Variants in PUM2 observed in about 807,000 individuals in gnomAD.
The protein encoded by PUM2 is pumilio homolog 2.
In PUM2, 57 loss-of-function variants were observed where a neutral mutation model predicts 124.5. The observed-to-expected ratio is 0.46, with a 90% CI of 0.37 to 0.57. The LOEUF (loss-of-function observed/expected upper bound fraction) is 0.57. Among genes scored for constraint, PUM2 ranks in the 20% least tolerant of loss-of-function variants. PUM2 has a pLI of 0.00. For synonymous variants in PUM2, 460 were observed against 446.1 expected (o/e 1.03, Z -0.39); for missense variants, 1,065 against 1,290.6 (o/e 0.83, Z 2.68).
intron 7 of PUM2, among the ~76,000 whole-genome samples, chr2:20,302,967 C>A (rs1444157529): frequency 6.6e-6 from 1 of 152,152 alleles, no homozygotes; most frequent in Admixed American, 6.5e-5. Flanking sequence ...TTTGCACATG[C>A]GACCCATCAG....
intron 9 of PUM2, among the ~76,000 whole-genome samples, chr2:20,293,602 T>C (rs1253674346): frequency 6.6e-6 from 1 of 152,064 alleles, no homozygotes; most frequent in Non-Finnish European, 1.5e-5. Flanking sequence ...CCCAGCTACT[T>C]GGAAGACTGA....
intron 7 of PUM2, among the ~76,000 whole-genome samples, chr2:20,302,911 A>G (rs1677338990): frequency 6.6e-6 from 1 of 152,228 alleles, no homozygotes; most frequent in Admixed American, 6.5e-5. Context: ...GCTTGCTGAC[A>G]TCACAGCCCA....
At position 20,289,417 on chromosome 2, in the gene PUM2, C is replaced by A. The variant is rs77952030; in HGVS notation, c.1291+1235G>T. ...ACTCCCAGCTCACTTTTCAGCCCAA[C>A]GTCCATGTGCCTAAAACAACTTCAG... On this transcript the variant is annotated intron_variant, in intron 10 of 20. Coordinates refer to ENST00000361078, the MANE Select transcript of PUM2 (RefSeq NM_015317.5). Among the ~76,000 whole-genome samples the A allele has an allele frequency of 7.1e-3, 1,074 of 152,314 alleles. 17 individuals are homozygous for A. Among genetic ancestry groups the A allele is most frequent in the African/African-American group, 0.025 (1,035 of 41,568 alleles).
At chr2:20,270,338 G>A (rs1394043242) in intron 13 of PUM2, among the ~76,000 whole-genome samples, 1 of 152,054 alleles carries the variant, frequency 6.6e-6, no homozygotes, top group Non-Finnish European at 1.5e-5. Flanking sequence ...CTTTCTGATT[G>A]GAGTGAAGAA....
rs1663945843 is a variant in PUM2, at chr2:20,253,383, T to G, written c.3063+439A>C. On this transcript the variant is annotated intron_variant, in intron 20 of 20. Coordinates refer to ENST00000361078, the MANE Select transcript of PUM2 (RefSeq NM_015317.5). ...GTCATACCCAGCTAATTTTTAAATTTTTTGTAGAGATGGGGGTCTATGTTG... is the reference window on the plus strand; with the variant it reads ...GTCATACCCAGCTAATTTTTAAATTGTTTGTAGAGATGGGGGTCTATGTTG... Among the ~76,000 whole-genome samples, 4 of 152,124 alleles carry G rather than the reference T, an allele frequency of 2.6e-5. No individual in the cohort carries two copies. The South Asian group carries it at 8.3e-4, about 31-fold the overall frequency.
chr2:20,350,684 C>T lies in PUM2; in HGVS notation c.-106G>A. 8.1e-6 allele frequency: 8 copies of T among 984,878 alleles called. No homozygotes were observed. The highest frequency in any genetic ancestry group is 4.7e-5 in the South Asian group (1 of 21,270). The allele number at this position is 984,878 out of a possible 1,614,324, so 61.0% of individuals were successfully genotyped here. ...GCTCTTGGCGGTCCTCCCCCTCCTC[C>T]GCCTTCGGTGGCGGCAATGTCTTCT... On this transcript the variant is annotated 5_prime_UTR_variant, in exon 1 of 21. Coordinates refer to ENST00000361078, the MANE Select transcript of PUM2 (RefSeq NM_015317.5).
chr2:20,286,491 T>A (rs1241472859), intron 10 of PUM2, among the ~76,000 whole-genome samples: 4 of 152,224 alleles, frequency 2.6e-5, no homozygotes, highest in Non-Finnish European at 2.9e-5. Context: ...TTGTTCCTAA[T>A]AGCTAATGAT....
chr2:20,304,499 C>T (rs1440038741), intron 7 of PUM2, among the ~76,000 whole-genome samples: 1 of 152,158 alleles, frequency 6.6e-6, no homozygotes, highest in Non-Finnish European at 1.5e-5. Flanking sequence ...TTTCAGCACC[C>T]ATAAGTAAAG....
At chr2:20,255,036 T>C (rs778763309) in intron 18 of PUM2, 52 bp from the exon 19 acceptor site, 1 of 1,558,288 alleles carries the variant, frequency 6.4e-7, no homozygotes, top group East Asian at 2.2e-5. Context: ...TTAAGAATGA[T>C]ATTCTTTAAA....
At chr2:20,267,224 C>T (rs1450720240) in intron 13 of PUM2, among the ~76,000 whole-genome samples, 3 of 151,952 alleles carry the variant, frequency 2.0e-5, no homozygotes, top group Non-Finnish European at 4.4e-5. Flanking sequence ...CGGGGTTTCA[C>T]CATGTTGGCT....
chr2:20,347,355 C>T (rs1688438642), intron 1 of PUM2, among the ~76,000 whole-genome samples: 1 of 151,872 alleles, frequency 6.6e-6, no homozygotes, highest in Admixed American at 6.6e-5. Flanking sequence ...AAAGATAACT[C>T]TCGAGTTATT....
chr2:20,336,276 C>T (rs926796495), intron 1 of PUM2, among the ~76,000 whole-genome samples: 2 of 151,940 alleles, frequency 1.3e-5, no homozygotes, highest in Admixed American at 6.6e-5. Context: ...CAGCCTTGAC[C>T]TCCTGGGCTA....
At chr2:20,310,864 T>C (rs1363028839) in intron 5 of PUM2, among the ~76,000 whole-genome samples, 1 of 151,970 alleles carries the variant, frequency 6.6e-6, no homozygotes, top group Non-Finnish European at 1.5e-5. Context: ...TACTGTCTAA[T>C]CTAAGACCAA....
rs139030930 is a variant in PUM2, at chr2:20,308,352, C to T, written c.751G>A (p.Ala251Thr). The change falls in exon 6 of 21, where the codon GCT becomes ACT. Residue 251 changes from alanine to threonine, a missense_variant. By Grantham distance (58) the Ala-to-Thr change is moderately conservative. Around this residue, in one of 3 missense-constraint regions of PUM2, gnomAD observed 968 missense variants for 1,159.8 expected, o/e 0.83. Transcript: ENST00000361078. ...TTGTAGTCAAAAAGGCCTACAGTAG[C>T]TCCTGAAGAGTCCATTGGTACCTGA... ...GNQVPMDSSG[A>T]TVGLFDYNSQ... 1.3e-4 allele frequency: 209 copies of T among 1,613,920 alleles called. No individual in the cohort carries two copies. Among genetic ancestry groups the T allele is most frequent in the Non-Finnish European group, 1.7e-4 (197 of 1,179,924 alleles).
chr2:20,343,302 A>G (rs10460451), intron 1 of PUM2, among the ~76,000 whole-genome samples: 54,816 of 151,864 alleles, frequency 0.36, 10,004 homozygotes, highest in Middle Eastern at 0.43. Context: ...GCTGAGGTGG[A>G]AGGATCACTA....
chr2:20,273,327 G>A (rs1558519700), intron 13 of PUM2, among the ~76,000 whole-genome samples: 1 of 152,184 alleles, frequency 6.6e-6, no homozygotes, highest in South Asian at 2.1e-4. Context: ...TCACATCCTT[G>A]TGAAGTCTAC....
chr2:20,309,506 T>C (rs2148563190), intron 5 of PUM2, among the ~76,000 whole-genome samples: 1 of 152,230 alleles, frequency 6.6e-6, no homozygotes, highest in Admixed American at 6.5e-5. Flanking sequence ...TGGACTAAAT[T>C]TTAAGCACTG....
At chr2:20,346,728 C>T (rs995330697) in intron 1 of PUM2, among the ~76,000 whole-genome samples, 4 of 152,114 alleles carry the variant, frequency 2.6e-5, no homozygotes, top group Non-Finnish European at 4.4e-5. Flanking sequence ...CCTTCCCTAC[C>T]GCCCCGCCAT....
At chr2:20,271,458 C>T (rs1434998515) in intron 13 of PUM2, among the ~76,000 whole-genome samples, 1 of 152,014 alleles carries the variant, frequency 6.6e-6, no homozygotes, top group African/African-American at 2.4e-5. Flanking sequence ...GGACTACAGG[C>T]ACATGTCACC....
Sources: allele counts gnomAD v4.1 joint callset (sites outside exome capture counted in the v4.1 genomes callset), GRCh38; gene constraint gnomAD v4.1.1; regional missense constraint gnomAD v4.1.1; transcripts MANE v1.5; gene names NCBI Gene and HGNC (gene_info 2026-07-23, HGNC 2026-07-21).